Variants in ENOPH1 observed in about 807,000 individuals in gnomAD.
ENOPH1 encodes the protein enolase-phosphatase E1.
ENOPH1 carries 14 observed loss-of-function variants against 31.1 expected under a neutral mutation model. The ratio of observed to expected loss-of-function variants is 0.45; its 90% CI spans 0.30 to 0.70. The LOEUF is 0.70. Ranked by LOEUF, ENOPH1 falls within the 30% of genes least tolerant of loss-of-function variation. The pLI, the probability that ENOPH1 is intolerant of heterozygous loss-of-function variation, is 0.09. For synonymous variants in ENOPH1, 127 were observed against 123.2 expected, an observed-to-expected ratio of 1.03 and a Z score of -0.21; for missense variants, 243 against 321.5, an observed-to-expected ratio of 0.76 and a Z score of 1.87.
At chr4:82,431,115 C>A (rs1233465551) in intron 1 of ENOPH1, among the ~76,000 whole-genome samples, 1 of 152,192 alleles carries the variant, frequency 6.6e-6, no homozygotes, top group Non-Finnish European at 1.5e-5. Context: ...CTCCCTCCCC[C>A]GCCCTTGCGC....
chr4:82,435,634 T>C (rs1721886372), intron 1 of ENOPH1, among the ~76,000 whole-genome samples: 1 of 152,234 alleles, frequency 6.6e-6, no homozygotes, highest in Non-Finnish European at 1.5e-5. Context: ...GTCTGATAGT[T>C]ATCTCCCAAC....
chr4:82,442,707 T>C lies in ENOPH1; in HGVS notation c.85-5213T>C, dbSNP rs185512779. Among the ~76,000 whole-genome samples, 175 of 152,348 alleles carry C rather than the reference T, an allele frequency of 1.1e-3. 1 individual carries two copies. Among genetic ancestry groups the C allele is most frequent in the Middle Eastern group, 3.4e-3 (1 of 294 alleles). ...ACATTTAAGTTCATGTTCTCTCATA[T>C]TTTGTTCAGTGTGTTAAATATCCCC... On this transcript the variant is annotated intron_variant, in intron 1 of 5. Transcript: ENST00000273920.
chr4:82,432,983 TC>T (rs1044573673), intron 1 of ENOPH1, among the ~76,000 whole-genome samples: 5 of 149,302 alleles, frequency 3.3e-5, no homozygotes, highest in African/African-American at 7.6e-5. Context: ...TTGATTAATT[TC>T]CTTTTTTTTT....
intron 1 of ENOPH1, among the ~76,000 whole-genome samples, chr4:82,434,479 C>T (rs921734672): frequency 4.6e-5 from 7 of 152,032 alleles, no homozygotes; most frequent in East Asian, 3.9e-4. Context: ...TTTGGGAGGC[C>T]GAGACAGGTG....
chr4:82,440,724 T>G (rs1297405898), intron 1 of ENOPH1, among the ~76,000 whole-genome samples: 1 of 152,244 alleles, frequency 6.6e-6, no homozygotes, highest in East Asian at 1.9e-4. Context: ...GTGTGATTCA[T>G]TGCACTTAAT....
intron 3 of ENOPH1, 92 bp downstream of exon 3, chr4:82,451,337 C>T (rs2110045155): frequency 8.3e-7 from 1 of 1,208,812 alleles, no homozygotes; most frequent in East Asian, 2.4e-5. Context: ...AGTCACAAGA[C>T]TGGTAAAACA....
At chr4:82,449,245 A>C (rs901226838) in intron 2 of ENOPH1, among the ~76,000 whole-genome samples, 27 of 152,184 alleles carry the variant, frequency 1.8e-4, no homozygotes, top group Non-Finnish European at 3.4e-4. Context: ...GTCTCAAAAA[A>C]AAAGAGTCCT....
At position 82,430,682 on chromosome 4, in the gene ENOPH1, A is replaced by G; in HGVS notation, c.-148A>G. 4.5e-6 allele frequency: 3 copies of G among 660,298 alleles called. No individual in the cohort carries two copies. The highest frequency in any genetic ancestry group is 7.8e-6 in the Non-Finnish European group (3 of 383,600). 40.9% of individuals were successfully genotyped at this position (660,298 alleles called of 1,614,324 possible). A position where few individuals can be genotyped will look rare whatever the true frequency, so the allele number is the denominator to read the frequency against. On this transcript the variant is annotated 5_prime_UTR_variant, in exon 1 of 6. Coordinates refer to ENST00000273920, the MANE Select transcript of ENOPH1 (RefSeq NM_021204.5). ...AGGTGTGCAGAAGTGTCCTCTCCCC[A>G]CGCGCGGCGGGCTGCACTTGGTCGC...
intron 1 of ENOPH1, among the ~76,000 whole-genome samples, chr4:82,436,900 G>GTCATCATCA (rs537537058): frequency 1.3e-5 from 2 of 151,736 alleles, no homozygotes; most frequent in Admixed American, 6.6e-5. Context: ...TGTCATCGTC[G>GTCATCATCA]TCATCATCAT....
chr4:82,440,546 G>A (rs1021479074), intron 1 of ENOPH1, among the ~76,000 whole-genome samples: 6 of 152,196 alleles, frequency 3.9e-5, no homozygotes, highest in Non-Finnish European at 8.8e-5. Context: ...GATTCAAGGA[G>A]ATGAATGTGA....
At chr4:82,451,289 C>T (rs892962141) in intron 3 of ENOPH1, 44 bp downstream of exon 3, 2 of 1,584,430 alleles carry the variant, frequency 1.3e-6, no homozygotes, top group Admixed American at 1.7e-5. Context: ...GTCCCAAATC[C>T]AAATATGTTT....
At chr4:82,451,469 T>C (rs1028824334) in intron 3 of ENOPH1, among the ~76,000 whole-genome samples, 3 of 152,218 alleles carry the variant, frequency 2.0e-5, no homozygotes, top group African/African-American at 4.8e-5. Flanking sequence ...TGTGGGTTGA[T>C]TGAAGGACTT....
At chr4:82,438,387 C>T (rs1288233080) in intron 1 of ENOPH1, among the ~76,000 whole-genome samples, 1 of 152,134 alleles carries the variant, frequency 6.6e-6, no homozygotes, top group Non-Finnish European at 1.5e-5. Context: ...GGCATGGTGG[C>T]TCACACCTGT....
rs1379900678 is a variant in ENOPH1, at chr4:82,454,796, G to C, written c.464G>C (p.Gly155Ala). The C allele has an allele frequency of 1.9e-6, 3 of 1,613,850 alleles. No homozygotes were observed. The African/African-American group carries it at 4.0e-5, about 22-fold the overall frequency. ...ATGAAGGTGTACATCTATTCCTCAG[G>C]GAGTGTGGAGGCACAGAAACTGTTA... is the stretch of plus-strand genomic sequence containing the variant. ...AGMKVYIYSS[G>A]SVEAQKLLFG... is the part of the protein sequence containing the mutation. Residue 155 changes from glycine to alanine, a missense_variant, in exon 4 of 6, where the codon GGG (glycine) becomes GCG (alanine). Gly to Ala is a moderately conservative substitution (Grantham distance 60, BLOSUM62 0). Transcript: ENST00000273920.
At position 82,447,832 on chromosome 4, in the gene ENOPH1, C is replaced by G. The variant is rs987905325; in HGVS notation, c.85-88C>G. Reference sequence around the variant, plus strand: ...TAGAGTTCCATTGATTTATTTGTTACAGTTATGTAGGTAAGATTGTGGAAG... The same window carrying G: ...TAGAGTTCCATTGATTTATTTGTTAGAGTTATGTAGGTAAGATTGTGGAAG... On this transcript the variant is annotated intron_variant, in intron 1 of 5. Coordinates refer to ENST00000273920, the MANE Select transcript of ENOPH1 (RefSeq NM_021204.5). 7 of 672,094 alleles carry G rather than the reference C, an allele frequency of 1.0e-5. No individual in the cohort carries two copies. In the South Asian group the frequency reaches 1.7e-4, roughly 17 times the overall value. 41.6% of individuals were successfully genotyped at this position (672,094 alleles called of 1,614,324 possible).
At chr4:82,448,866 G>A (rs1722267279) in intron 2 of ENOPH1, among the ~76,000 whole-genome samples, 1 of 150,906 alleles carries the variant, frequency 6.6e-6, no homozygotes, top group South Asian at 2.1e-4. Flanking sequence ...AGACCATCTC[G>A]GCTAAAACGG....
In ENOPH1 at chr4:82,456,998, C is replaced by T. The variant is rs1197613333; in HGVS notation, c.606C>T (p.Cys202=). The change falls in exon 5 of 6, where the codon TGC becomes TGT. Residue 202 remains cysteine, a synonymous_variant. Transcript: ENST00000273920. ...SYRKIADSIG[C]STNNILFLTD... is the part of the protein sequence containing the mutation. Reference sequence around the variant, plus strand: ...GAAAGATTGCAGACAGCATTGGGTGCTCAACCAACAACATTTTGTTTCTGA... The same window carrying T: ...GAAAGATTGCAGACAGCATTGGGTGTTCAACCAACAACATTTTGTTTCTGA... The T allele has an allele frequency of 6.2e-7, 1 of 1,614,018 alleles. No individual in the cohort carries two copies. The highest frequency in any genetic ancestry group is 1.7e-5 in the Admixed American group (1 of 60,016).
In ENOPH1 at chr4:82,451,256, G is replaced by A. The variant is rs775440212; in HGVS notation, c.389+11G>A. The A allele has an allele frequency of 9.9e-6, 16 of 1,613,292 alleles. No homozygotes were observed. Among genetic ancestry groups the A allele is most frequent in the Non-Finnish European group, 1.4e-5 (16 of 1,179,338 alleles). On this transcript the variant is annotated intron_variant, in intron 3 of 5. Transcript: ENST00000273920. ...GCGCATGAAAGCAGAGTATGTGCTT[G>A]AGTCAGCCTAAACATTTCACCAGTC...
intron 4 of ENOPH1, among the ~76,000 whole-genome samples, chr4:82,456,560 A>G (rs779997187): frequency 2.6e-5 from 4 of 152,234 alleles, no homozygotes; most frequent in Non-Finnish European, 5.9e-5. Context: ...AGAATCTTTC[A>G]TCAGGAGTAA....
Sources: allele counts gnomAD v4.1 joint callset (sites outside exome capture counted in the v4.1 genomes callset), GRCh38; gene constraint gnomAD v4.1.1; transcripts MANE v1.5; gene names NCBI Gene and HGNC (gene_info 2026-07-23, HGNC 2026-07-21).